Variants in RAB39A observed in about 807,000 individuals in gnomAD.
RAB39A encodes the protein RAB39A, member RAS oncogene family.
In RAB39A, 17 loss-of-function variants were observed where a neutral mutation model predicts 20.9. The observed-to-expected ratio is 0.81, with a 90% CI of 0.56 to 1.22. The LOEUF is 1.22. RAB39A is among the 50% of genes most tolerant of loss of function. The pLI is 0.00. For missense variants in RAB39A, 234 were observed against 270.5 expected (o/e 0.87, Z 0.95); for synonymous variants, 99 against 103.4 (o/e 0.96, Z 0.26).
intron 1 of RAB39A, among the ~76,000 whole-genome samples, chr11:107,942,918 T>C (rs559684674): frequency 2.0e-5 from 3 of 152,342 alleles, no homozygotes; most frequent in East Asian, 3.9e-4. Flanking sequence ...TTCATTATTA[T>C]GTTCACCCAA....
At chr11:107,947,807 C>CA (rs35694249) in intron 1 of RAB39A, among the ~76,000 whole-genome samples, 45,528 of 79,846 alleles carry the variant, frequency 0.57, 14,450 homozygotes, top group East Asian at 0.66. Flanking sequence ...CATCAACAGG[C>CA]AAAAAAAAAA....
At chr11:107,950,022 C>CA (rs1225698451) in intron 1 of RAB39A, among the ~76,000 whole-genome samples, 1 of 151,010 alleles carries the variant, frequency 6.6e-6, no homozygotes, top group African/African-American at 2.4e-5. Context: ...AATACAAAAA[C>CA]AAAAAAAATT....
chr11:107,955,090 G>T (rs1052918400), intron 1 of RAB39A, among the ~76,000 whole-genome samples: 1 of 146,250 alleles, frequency 6.8e-6, no homozygotes, highest in South Asian at 2.2e-4. Flanking sequence ...TCCACCTCCC[G>T]GGTTCACGCC....
intron 1 of RAB39A, among the ~76,000 whole-genome samples, chr11:107,935,395 G>A (rs930215101): frequency 6.7e-6 from 1 of 149,848 alleles, no homozygotes; most frequent in African/African-American, 2.5e-5. Context: ...TTTTTTTGGA[G>A]ACAGAGTCTG....
intron 1 of RAB39A, among the ~76,000 whole-genome samples, chr11:107,951,459 C>A (rs1861378069): frequency 6.6e-6 from 1 of 152,098 alleles, no homozygotes. Context: ...GGCAAAGCCA[C>A]AAGAAGGGCA....
intron 1 of RAB39A, among the ~76,000 whole-genome samples, chr11:107,955,601 G>A (rs2134972329): frequency 6.6e-6 from 1 of 152,296 alleles, no homozygotes; most frequent in South Asian, 2.1e-4. Context: ...CACTTTGGGA[G>A]GCCGAGGCAG....
chr11:107,948,982 G>A (rs1861346325), intron 1 of RAB39A, among the ~76,000 whole-genome samples: 1 of 152,084 alleles, frequency 6.6e-6, no homozygotes, highest in South Asian at 2.1e-4. Flanking sequence ...GATGGGCCAG[G>A]TTATGCTACA....
chr11:107,950,822 G>A (rs896367860), intron 1 of RAB39A, among the ~76,000 whole-genome samples: 1 of 151,732 alleles, frequency 6.6e-6, no homozygotes, highest in African/African-American at 2.4e-5. Flanking sequence ...TTCTAATCGG[G>A]TTATAACAAA....
chr11:107,946,157 AAAAC>A (rs542265403), intron 1 of RAB39A, among the ~76,000 whole-genome samples: 20 of 150,066 alleles, frequency 1.3e-4, no homozygotes, highest in African/African-American at 4.6e-4. Flanking sequence ...CCTAGGGACC[AAAAC>A]AAACAAACAA....
intron 1 of RAB39A, among the ~76,000 whole-genome samples, chr11:107,930,886 C>G (rs1295231998): frequency 6.7e-6 from 1 of 149,426 alleles, no homozygotes; most frequent in Non-Finnish European, 1.5e-5. Flanking sequence ...ATAAGTAGCT[C>G]AACTTATTGA....
intron 1 of RAB39A, among the ~76,000 whole-genome samples, chr11:107,944,056 C>T (rs775692497): frequency 2.6e-5 from 4 of 151,434 alleles, no homozygotes; most frequent in Non-Finnish European, 5.9e-5. Context: ...GATCGTGCTA[C>T]TGCACTCCAT....
chr11:107,958,319 C>CTA (rs1184467518), intron 1 of RAB39A, among the ~76,000 whole-genome samples: 1 of 152,134 alleles, frequency 6.6e-6, no homozygotes, highest in Admixed American at 6.5e-5. Flanking sequence ...GCCTCCCTAC[C>CTA]TAGTGCTTTT....
intron 1 of RAB39A, among the ~76,000 whole-genome samples, chr11:107,948,301 G>A (rs906865148): frequency 8.5e-5 from 13 of 152,238 alleles, no homozygotes; most frequent in African/African-American, 3.1e-4. Context: ...AGGAGAAAAC[G>A]AGAAAAAGAC....
At chr11:107,936,733 C>A (rs762140166) in intron 1 of RAB39A, among the ~76,000 whole-genome samples, 20 of 152,030 alleles carry the variant, frequency 1.3e-4, no homozygotes, top group Non-Finnish European at 2.8e-4. Flanking sequence ...ACCAGTCTGG[C>A]AAACATGGTG....
intron 1 of RAB39A, among the ~76,000 whole-genome samples, chr11:107,930,470 C>A (rs1162795569): frequency 6.6e-6 from 1 of 152,090 alleles, no homozygotes; most frequent in East Asian, 1.9e-4. Context: ...ACAATAAAAA[C>A]CTTTATGTCT....
At position 107,934,502 on chromosome 11, in the gene RAB39A, T is replaced by A. The variant is rs138991947; in HGVS notation, c.227+5707T>A. On this transcript the variant is annotated intron_variant, in intron 1 of 1. Transcript: ENST00000320578. ...GAGTATAATTTGGGAATAGCTCCCTTGATAAGTTGCCTTAGCATATTCTTT... is the reference window on the plus strand; with the variant it reads ...GAGTATAATTTGGGAATAGCTCCCTAGATAAGTTGCCTTAGCATATTCTTT... Among the ~76,000 whole-genome samples the A allele has an allele frequency of 5.3e-5, 8 of 152,270 alleles. No homozygotes were observed. In the East Asian group the frequency reaches 1.5e-3, roughly 29 times the overall value.
In RAB39A at chr11:107,962,108, T is replaced by C; in HGVS notation, c.390T>C (p.Asp130=). 1 of 1,614,152 alleles carries C rather than the reference T, an allele frequency of 6.2e-7. No homozygotes were observed. Among genetic ancestry groups the C allele is most frequent in the East Asian group, 2.2e-5 (1 of 44,874 alleles). Residue 130 remains aspartate, a synonymous_variant, in exon 2 of 2, where the codon GAT becomes GAC. Transcript: ENST00000320578. The part of the protein sequence containing the change: ...IVFLLVGHKC[D]LASQRQVTRE... Reference sequence around the variant, plus strand: ...TTCTGCTAGTGGGACATAAATGTGATTTAGCTTCACAACGTCAAGTTACAA... The same window carrying C: ...TTCTGCTAGTGGGACATAAATGTGACTTAGCTTCACAACGTCAAGTTACAA...
chr11:107,961,973 C>T lies in RAB39A; in HGVS notation c.255C>T (p.Asn85=), dbSNP rs1861500832. ...FRSITRSYYR[N]SVGGFLVFDI... The stretch of plus-strand genomic sequence containing the variant: ...CAATAACCCGATCTTATTACCGCAA[C>T]TCAGTTGGTGGATTTTTAGTATTTG... Residue 85 remains asparagine (N), a synonymous_variant, in exon 2 of 2, where the codon AAC becomes AAT. Transcript: ENST00000320578. 1 of 1,612,546 alleles carries T rather than the reference C, an allele frequency of 6.2e-7. No individual in the cohort carries two copies. The highest frequency in any genetic ancestry group is 8.5e-7 in the Non-Finnish European group (1 of 1,178,784).
chr11:107,943,414 AC>A (rs1226848450), intron 1 of RAB39A, among the ~76,000 whole-genome samples: 1 of 151,952 alleles, frequency 6.6e-6, no homozygotes. Context: ...TACTAAAAAT[AC>A]CAAAAATTAG....
Sources: gnomAD v4.1 joint callset for allele counts (sites outside exome capture counted in the v4.1 genomes callset) on GRCh38, gnomAD v4.1.1 for gene constraint, MANE v1.5 for transcripts, NCBI Gene and HGNC (gene_info 2026-07-23, HGNC 2026-07-21) for gene names.